Variants in NDFIP2 observed in about 807,000 individuals in gnomAD.
NDFIP2 encodes NEDD4 family-interacting protein 2.
NDFIP2 carries 19 observed loss-of-function variants against 36.0 expected under a neutral mutation model. That is an observed-to-expected ratio of 0.53 (90% CI 0.37 to 0.77). The LOEUF (loss-of-function observed/expected upper bound fraction) is 0.77. Ranked by LOEUF, NDFIP2 falls within the 30% of genes least tolerant of loss-of-function variation. The pLI, the probability that NDFIP2 is intolerant of heterozygous loss-of-function variation, is 0.00. For missense variants in NDFIP2, 446 were observed against 435.8 expected, an observed-to-expected ratio of 1.02 and a Z score of -0.21; for synonymous variants, 181 against 167.7, an observed-to-expected ratio of 1.08 and a Z score of -0.61.
At chr13:79,516,530 T>G (rs1874341672) in intron 1 of NDFIP2, among the ~76,000 whole-genome samples, 1 of 152,228 alleles carries the variant, frequency 6.6e-6, no homozygotes, top group South Asian at 2.1e-4. Flanking sequence ...AGTTTTTTAT[T>G]GAGCTAATAT....
intron 1 of NDFIP2, among the ~76,000 whole-genome samples, chr13:79,513,687 C>T (rs1180446898): frequency 6.6e-6 from 1 of 151,390 alleles, no homozygotes; most frequent in Non-Finnish European, 1.5e-5. Context: ...TCATGTTTTC[C>T]TCTCCTTTAT....
intron 2 of NDFIP2, among the ~76,000 whole-genome samples, chr13:79,529,816 G>T (rs766777372): frequency 6.6e-6 from 1 of 152,246 alleles, no homozygotes; most frequent in East Asian, 1.9e-4. Context: ...GTAAACAAAT[G>T]TAAAAAAATA....
At chr13:79,530,008 CTT>C (rs1172031013) in intron 2 of NDFIP2, among the ~76,000 whole-genome samples, 11 of 152,178 alleles carry the variant, frequency 7.2e-5, no homozygotes, top group Non-Finnish European at 4.4e-5. Context: ...TAATTTAAAA[CTT>C]TACTGCTAAA....
At chr13:79,543,247 A>G (rs1875530374) in intron 4 of NDFIP2, among the ~76,000 whole-genome samples, 1 of 152,208 alleles carries the variant, frequency 6.6e-6, no homozygotes, top group Non-Finnish European at 1.5e-5. Context: ...GTGGAACCAC[A>G]TGTGAGATAC....
chr13:79,499,996 A>G (rs1355681993), intron 1 of NDFIP2, among the ~76,000 whole-genome samples: 1 of 151,932 alleles, frequency 6.6e-6, no homozygotes, highest in Admixed American at 6.6e-5. Context: ...AATCAAGACA[A>G]TGTGGTGTTT....
chr13:79,530,532 A>G (rs1190178036), intron 2 of NDFIP2, among the ~76,000 whole-genome samples: 1 of 152,344 alleles, frequency 6.6e-6, no homozygotes, highest in East Asian at 1.9e-4. Context: ...CATTTTACCC[A>G]CACTAGGACT....
chr13:79,542,829 C>A (rs191495879), intron 4 of NDFIP2, among the ~76,000 whole-genome samples: 6 of 151,842 alleles, frequency 4.0e-5, no homozygotes, highest in African/African-American at 1.4e-4. Flanking sequence ...CTGAGGAAAC[C>A]CATAAAGTAT....
chr13:79,515,171 G>A (rs533541010), intron 1 of NDFIP2, among the ~76,000 whole-genome samples: 8 of 147,308 alleles, frequency 5.4e-5, no homozygotes, highest in Non-Finnish European at 1.0e-4. Flanking sequence ...ACACAATGGT[G>A]AGTATTTGTA....
intron 2 of NDFIP2, among the ~76,000 whole-genome samples, chr13:79,530,175 A>T (rs1452060660): frequency 6.6e-6 from 1 of 152,086 alleles, no homozygotes; most frequent in Non-Finnish European, 1.5e-5. Context: ...TAGAGACAGA[A>T]TTCAGTGGCG....
chr13:79,548,551 G>A (rs1375237447), intron 6 of NDFIP2, among the ~76,000 whole-genome samples, 157 bp downstream of exon 6: 2 of 151,902 alleles, frequency 1.3e-5, no homozygotes, highest in East Asian at 1.9e-4. Flanking sequence ...ATTCTATATA[G>A]CACTACAGAT....
At chr13:79,532,065 A>G (rs1211099944) in intron 2 of NDFIP2, among the ~76,000 whole-genome samples, 1 of 152,250 alleles carries the variant, frequency 6.6e-6, no homozygotes, top group African/African-American at 2.4e-5. Context: ...CTATGGGCAC[A>G]GTTTGTGGTG....
At chr13:79,526,061 G>A (rs990966330) in intron 2 of NDFIP2, among the ~76,000 whole-genome samples, 5 of 152,196 alleles carry the variant, frequency 3.3e-5, no homozygotes, top group African/African-American at 9.7e-5. Context: ...AAGAGGTGGA[G>A]CTGCTAAAAC....
chr13:79,522,819 C>A (rs1874637778), intron 2 of NDFIP2, among the ~76,000 whole-genome samples: 1 of 152,196 alleles, frequency 6.6e-6, no homozygotes, highest in East Asian at 1.9e-4. Flanking sequence ...TGTTATGATA[C>A]TGTCTCAAAT....
intron 4 of NDFIP2, among the ~76,000 whole-genome samples, chr13:79,540,483 T>C (rs1875412479): frequency 6.6e-6 from 1 of 152,190 alleles, no homozygotes; most frequent in African/African-American, 2.4e-5. Flanking sequence ...CCAATATTCA[T>C]TTAAGTAAGT....
At chr13:79,546,527 A>G (rs753043776) in intron 5 of NDFIP2, among the ~76,000 whole-genome samples, 2 of 152,138 alleles carry the variant, frequency 1.3e-5, no homozygotes, top group Non-Finnish European at 2.9e-5. Flanking sequence ...GCCAATCAAC[A>G]TGATTGGTTT....
Position 79,550,945 on chromosome 13 carries a change from G to A in NDFIP2, c.908-72G>A, listed in dbSNP as rs185945818. On this transcript the variant is annotated intron_variant, in intron 6 of 7. Transcript: ENST00000218652. ...AGCCAAGAGGATCTTGTTTATAATTGTCTACTTTAAATTTATCTTGCCCTT... is the reference window on the plus strand; with the variant it reads ...AGCCAAGAGGATCTTGTTTATAATTATCTACTTTAAATTTATCTTGCCCTT... 3 of 829,562 alleles carry A rather than the reference G, an allele frequency of 3.6e-6. No individual in the cohort carries two copies. The African/African-American group carries it at 5.2e-5, about 14-fold the overall frequency. The allele number at this position is 829,562 out of a possible 1,614,324, so 51.4% of individuals were successfully genotyped here.
At position 79,482,164 on chromosome 13, in the gene NDFIP2, TCTTTC is replaced by T. The variant is rs376911186; in HGVS notation, c.321+641_321+645del. On this transcript the variant is annotated intron_variant, in intron 1 of 7. Transcript: ENST00000218652. ...AATCCCCACTTTTTCTTTCTTTCTT[TCTTTC>T]TTTTTTTTTTTTTTTTTTTTTTTTT... 4.7e-3 allele frequency among the ~76,000 whole-genome samples: 508 copies of T among 108,738 alleles called. 5 individuals are homozygous for T. Among genetic ancestry groups the T allele is most frequent in the African/African-American group, 0.018 (457 of 25,926 alleles). The allele number at this position is 108,738 out of a possible 152,430, so 71.3% of individuals were successfully genotyped here.
rs566900092 is a variant in NDFIP2 at position 79,484,496 on chromosome 13, G to A, written c.321+2972G>A. ...TAACTGGAAGATTTATAATACATTAGCATATTAAAACCATGAAAAATTCTG... is the reference window on the plus strand; with the variant it reads ...TAACTGGAAGATTTATAATACATTAACATATTAAAACCATGAAAAATTCTG... On this transcript the variant is annotated intron_variant, in intron 1 of 7. Transcript: ENST00000218652. Among the ~76,000 whole-genome samples the A allele has an allele frequency of 5.3e-5, 8 of 152,258 alleles. No homozygotes were observed. In the South Asian group the frequency reaches 6.2e-4, roughly 12 times the overall value.
chr13:79,543,738 T>C, intron 5 of NDFIP2, 56 bp downstream of exon 5: 1 of 1,589,724 alleles, frequency 6.3e-7, no homozygotes, highest in South Asian at 1.2e-5. Flanking sequence ...TGTATGAAAT[T>C]TTCTGTGTGG....
Sources: allele counts gnomAD v4.1 joint callset (sites outside exome capture counted in the v4.1 genomes callset), GRCh38; gene constraint gnomAD v4.1.1; transcripts MANE v1.5; gene names NCBI Gene and HGNC (gene_info 2026-07-23, HGNC 2026-07-21).